SCN9A: variants seen among roughly 807,000 people sequenced by gnomAD.
SCN9A encodes sodium channel protein type 9 subunit alpha.
SCN9A carries 131 observed loss-of-function variants against 187.0 expected under a neutral mutation model. The ratio of observed to expected loss-of-function variants is 0.70; its 90% confidence interval spans 0.61 to 0.81. The LOEUF is 0.81. Among genes scored for constraint, SCN9A ranks in the 30% least tolerant of loss-of-function variants. The pLI is 0.00. For missense variants in SCN9A, 2,252 were observed against 2,396.6 expected, an observed-to-expected ratio of 0.94 and a Z score of 1.26; for synonymous variants, 809 against 808.6, an observed-to-expected ratio of 1.00 and a Z score of -0.01.
chr2:166,246,936 G>A (rs1004960820), intron 18 of SCN9A, among the ~76,000 whole-genome samples: 2 of 151,848 alleles, frequency 1.3e-5, no homozygotes, highest in African/African-American at 4.8e-5. Context: ...TTGTGCAAAG[G>A]TATATCCCAA....
intron 1 of SCN9A, among the ~76,000 whole-genome samples, chr2:166,373,310 C>T (rs998249291): frequency 7.6e-6 from 1 of 132,010 alleles, no homozygotes; most frequent in Non-Finnish European, 1.6e-5. Context: ...CTTCTTCTTC[C>T]TCTTTTTTTT....
Position 166,280,592 on chromosome 2 carries a change from A to C in SCN9A, c.2108T>G (p.Leu703Arg). ...ASILTNTVEE[L>R]EESRQKCPPW... Reference sequence around the variant, plus strand: ...TGGACATTTTTGTCTGGACTCTTCAAGTTCTGGGAGAAAAAAGCAGAGAAC... The same window carrying C: ...TGGACATTTTTGTCTGGACTCTTCACGTTCTGGGAGAAAAAAGCAGAGAAC... Residue 703 changes from leucine to arginine, a missense_variant, in exon 14 of 27, where the codon CTT becomes CGT. Around this residue, in one of 7 missense-constraint regions of SCN9A, gnomAD observed 1,013 missense variants for 997.4 expected, o/e 1.02. Coordinates refer to ENST00000642356, the MANE Select transcript of SCN9A (RefSeq NM_001365536.1). 1.3e-6 allele frequency: 2 copies of C among 1,555,570 alleles called. No homozygotes were observed. The highest frequency in any genetic ancestry group is 1.7e-6 in the Non-Finnish European group (2 of 1,144,632).
chr2:166,199,425 G>T lies in SCN9A; in HGVS notation c.5214C>A (p.Phe1738Leu). 6.2e-7 allele frequency: 1 copy of T among 1,614,166 alleles called. No individual in the cohort carries two copies. The highest frequency in any genetic ancestry group is 1.1e-5 in the South Asian group (1 of 91,078). Residue 1738 changes from phenylalanine to leucine, a missense_variant, in exon 27 of 27, where the codon TTC (phenylalanine) becomes TTA (leucine). Physicochemically the swap from Phe to Leu is conservative, Grantham distance 22. Around this residue, in one of 7 missense-constraint regions of SCN9A, gnomAD observed 345 missense variants for 344.6 expected, o/e 1.00. Transcript: ENST00000642356. ...ATATGATGATATAACTAACAAAGTAGAATATTCCAACAGATGGGTTACCAC... is the reference window on the plus strand; with the variant it reads ...ATATGATGATATAACTAACAAAGTATAATATTCCAACAGATGGGTTACCAC... ...GDCGNPSVGI[F>L]YFVSYIIISF...
intron 7 of SCN9A, among the ~76,000 whole-genome samples, chr2:166,298,309 A>T (rs1281889213): frequency 6.6e-6 from 1 of 152,232 alleles, no homozygotes; most frequent in East Asian, 1.9e-4. Flanking sequence ...GTTTTAGCCC[A>T]ATATAACCAC....
At chr2:166,249,098 C>G (rs1456833720) in intron 18 of SCN9A, among the ~76,000 whole-genome samples, 1 of 151,942 alleles carries the variant, frequency 6.6e-6, no homozygotes, top group African/African-American at 2.4e-5. Context: ...GCCTAAAATA[C>G]TTTCCCTCCA....
chr2:166,269,285 T>C (rs982896394), intron 17 of SCN9A, among the ~76,000 whole-genome samples: 1 of 151,994 alleles, frequency 6.6e-6, no homozygotes, highest in Non-Finnish European at 1.5e-5. Context: ...ATTTCAGTTA[T>C]AAAATACAAA....
At chr2:166,208,904 AATTT>A (rs1247099888) in intron 24 of SCN9A, among the ~76,000 whole-genome samples, 1 of 152,296 alleles carries the variant, frequency 6.6e-6, no homozygotes, top group East Asian at 1.9e-4. Context: ...TCTAGGGGCT[AATTT>A]ATTCATTTTC....
intron 24 of SCN9A, among the ~76,000 whole-genome samples, chr2:166,209,555 A>T (rs1056606559): frequency 3.3e-5 from 5 of 152,004 alleles, no homozygotes; most frequent in Middle Eastern, 3.2e-3. Flanking sequence ...GAACTAAAAA[A>T]CTCCCTAGAG....
intron 8 of SCN9A, 119 bp from the exon 9 acceptor site, chr2:166,293,491 T>C (rs1372148938): frequency 3.6e-6 from 3 of 825,930 alleles, no homozygotes; most frequent in African/African-American, 1.7e-5. Flanking sequence ...GAATAAGGAT[T>C]AAGAATACAT....
chr2:166,293,958 C>T (rs1009338067), intron 8 of SCN9A, among the ~76,000 whole-genome samples: 3 of 152,090 alleles, frequency 2.0e-5, no homozygotes, highest in African/African-American at 7.2e-5. Context: ...CTTCTGGGAA[C>T]AGCAACCTTA....
rs565711085 is a variant in SCN9A at position 166,284,588 on chromosome 2, C to T, written c.1839G>A (p.Pro613=). ...SQASRSPPML[P]VNGKMHSAVD... ...CAGCACTGTGCATTTTCCCGTTCAC[C>T]GGCAGCATTGGTGGGGACCTACTGG... is the stretch of plus-strand genomic sequence containing the variant. The change falls in exon 12 of 27, where the codon CCG becomes CCA. Residue 613 remains proline (P), a synonymous_variant. Transcript: ENST00000642356. 17 of 1,614,062 alleles carry T rather than the reference C, an allele frequency of 1.1e-5. No individual in the cohort carries two copies. In the East Asian group the frequency reaches 1.1e-4, roughly 11 times the overall value.
intron 18 of SCN9A, among the ~76,000 whole-genome samples, chr2:166,251,006 CA>C (rs568711273): frequency 0.024 from 3,003 of 125,400 alleles, 28 homozygotes; most frequent in South Asian, 0.078. Context: ...TTTTGCTTTT[CA>C]AAAAAAAAAA....
intron 17 of SCN9A, among the ~76,000 whole-genome samples, chr2:166,257,662 A>G (rs952110930): frequency 6.6e-6 from 1 of 151,526 alleles, no homozygotes; most frequent in Non-Finnish European, 1.5e-5. Context: ...CAGCTTGGTA[A>G]AAAAGTAATA....
At chr2:166,216,646 A>G (rs1419897988) in intron 24 of SCN9A, among the ~76,000 whole-genome samples, 2 of 152,014 alleles carry the variant, frequency 1.3e-5, no homozygotes, top group African/African-American at 4.8e-5. Flanking sequence ...GCATCAAAAT[A>G]AATAAATAAA....
intron 24 of SCN9A, among the ~76,000 whole-genome samples, chr2:166,219,660 A>C (rs1324507199): frequency 2.0e-5 from 3 of 152,156 alleles, no homozygotes; most frequent in Non-Finnish European, 2.9e-5. Context: ...TCTGTACAAC[A>C]AACCCCTATG....
intron 1 of SCN9A, among the ~76,000 whole-genome samples, chr2:166,340,006 G>A (rs867960823): frequency 1.4e-4 from 21 of 152,098 alleles, no homozygotes; most frequent in African/African-American, 4.8e-4. Flanking sequence ...AGTTACACGG[G>A]TAGTCTGTTA....
At chr2:166,360,546 T>C (rs1002079317) in intron 1 of SCN9A, among the ~76,000 whole-genome samples, 7 of 152,160 alleles carry the variant, frequency 4.6e-5, no homozygotes, top group African/African-American at 1.7e-4. Flanking sequence ...TATACATGTA[T>C]CCACTTCCCT....
At chr2:166,333,608 A>T (rs548519839) in intron 1 of SCN9A, among the ~76,000 whole-genome samples, 24 of 152,242 alleles carry the variant, frequency 1.6e-4, no homozygotes, top group Admixed American at 1.0e-3. Flanking sequence ...TTTGCTAAAG[A>T]ACACAATACC....
chr2:166,316,943 A>C (rs1699123988), intron 1 of SCN9A, among the ~76,000 whole-genome samples: 1 of 152,114 alleles, frequency 6.6e-6, no homozygotes, highest in African/African-American at 2.4e-5. Context: ...ATGAATGTAT[A>C]ATGAAATAAT....
Sources: allele counts gnomAD v4.1 joint callset (sites outside exome capture counted in the v4.1 genomes callset), GRCh38; gene constraint gnomAD v4.1.1; regional missense constraint gnomAD v4.1.1; transcripts MANE v1.5; gene names NCBI Gene and HGNC (gene_info 2026-07-23, HGNC 2026-07-21).